Variants in PIEZO2 observed in about 807,000 individuals in gnomAD.
PIEZO2 encodes the protein piezo-type mechanosensitive ion channel component 2.
In PIEZO2, 172 loss-of-function variants were observed where a neutral mutation model predicts 337.3. The observed-to-expected ratio is 0.51, with a 90% CI of 0.45 to 0.58. The LOEUF (loss-of-function observed/expected upper bound fraction) is 0.58, where lower values mean the gene tolerates loss of function less well. PIEZO2 is among the 20% of genes least tolerant of loss of function. PIEZO2 has a pLI of 0.00. For missense variants in PIEZO2, 3,028 were observed against 3,391.3 expected (o/e 0.89, Z 2.66); for synonymous variants, 1,251 against 1,228.5 (o/e 1.02, Z -0.38).
In PIEZO2 at chr18:11,148,751, C is replaced by T; in HGVS notation, c.-163G>A. ...CGCGACGCTCTCCGCCCCGAGGGCA[C>T]GCTCCCGGGGCTCTTGGCCGCCCCT... On this transcript the variant is annotated 5_prime_UTR_variant, in exon 1 of 56. In the 5' UTR this introduces an upstream ATG that the reference lacks. Coordinates refer to ENST00000674853, the MANE Select transcript of PIEZO2 (RefSeq NM_001378183.1). This position sits in a 1 kb window ranked among gnomAD's most constrained non-coding sequence, Gnocchi z 5.2. 3 of 690,158 alleles carry T rather than the reference C, an allele frequency of 4.3e-6. No homozygotes were observed. Among genetic ancestry groups the T allele is most frequent in the Non-Finnish European group, 7.1e-6 (3 of 422,404 alleles). 42.8% of individuals were successfully genotyped at this position (690,158 alleles called of 1,614,324 possible).
intron 2 of PIEZO2, among the ~76,000 whole-genome samples, chr18:11,056,198 G>A (rs920786487): frequency 6.6e-6 from 1 of 152,196 alleles, no homozygotes; most frequent in Non-Finnish European, 1.5e-5. Context: ...TGTGCTGAGT[G>A]GTCATTGGGT....
At chr18:10,826,315 G>C (rs747685398) in intron 7 of PIEZO2, among the ~76,000 whole-genome samples, 5 of 152,192 alleles carry the variant, frequency 3.3e-5, no homozygotes, top group South Asian at 2.1e-4. Flanking sequence ...TTATGTTAAA[G>C]TAAATATGAG....
chr18:10,759,844 G>C lies in PIEZO2; in HGVS notation c.3516C>G (p.Ala1172=). 3 of 1,537,470 alleles carry C rather than the reference G, an allele frequency of 2.0e-6. No homozygotes were observed. In the South Asian group the frequency reaches 3.6e-5, roughly 18 times the overall value. The change falls in exon 25 of 56, where the codon GCC becomes GCG. Residue 1172 remains alanine (A), a synonymous_variant. Transcript: ENST00000674853. This position sits in a 1 kb window ranked among gnomAD's most constrained non-coding sequence, Gnocchi z 5.5. ...QRMDFYAMIH[A]CWLIAVLYRR... ...TATATAAGACAGCGATCAGCCAGCA[G>C]GCGTGGATCATGGCATAGAAATCCA...
chr18:10,705,376 G>A lies in PIEZO2; in HGVS notation c.5959C>T (p.Leu1987=). The A allele has an allele frequency of 1.3e-6, 2 of 1,537,132 alleles. No individual in the cohort carries two copies. The highest frequency in any genetic ancestry group is 1.7e-6 in the Non-Finnish European group (2 of 1,146,844). Residue 1987 remains leucine, a synonymous_variant, in exon 41 of 56, where the codon CTG becomes TTG. Coordinates refer to ENST00000674853, the MANE Select transcript of PIEZO2 (RefSeq NM_001378183.1). The part of the protein sequence containing the change: ...DKLGSSILPP[L]THELTASELL... ...TCGCTGGCCGTCAGCTCATGGGTCA[G>A]GGGAGGTAAGATGCTGGACCCCAGC...
chr18:10,670,491 T>G lies in PIEZO2; in HGVS notation c.*1036A>C, dbSNP rs534783287. 7.0e-4 allele frequency: 106 copies of G among 152,348 alleles called. No homozygotes were observed. The highest frequency in any genetic ancestry group is 2.4e-3 in the African/African-American group (100 of 41,584). The allele number at this position is 152,348 out of a possible 1,614,324, so 9.4% of individuals were successfully genotyped here. ...TTTCCCCAAGCTCAATATACATATT[T>G]CTTTCATAATTATGAACTTAAAAAA... On this transcript the variant is annotated 3_prime_UTR_variant, in exon 56 of 56. Transcript: ENST00000674853.
intron 7 of PIEZO2, among the ~76,000 whole-genome samples, chr18:10,811,990 C>T (rs4360995): frequency 0.42 from 64,521 of 152,012 alleles, 14,445 homozygotes; most frequent in East Asian, 0.74. Context: ...CCCGCCACCA[C>T]GCCCGGCTAA....
chr18:10,701,195 A>G (rs753647354), intron 43 of PIEZO2, among the ~76,000 whole-genome samples: 2 of 152,286 alleles, frequency 1.3e-5, no homozygotes, highest in Non-Finnish European at 2.9e-5. Context: ...GACGAGGGAA[A>G]GAAAGTAAGG....
In PIEZO2 at chr18:10,750,261, A is replaced by G. The variant is rs2037596794; in HGVS notation, c.4168-74T>C. On this transcript the variant is annotated intron_variant, in intron 28 of 55. Transcript: ENST00000674853. The surrounding 1 kb of genome is among the most constrained non-coding windows in gnomAD (Gnocchi z 4.1). ...AAAAGTGGTGTTTTATGATCCCAAC[A>G]TGTGCAAGAATTCACAAGGTCTCAG... The G allele has an allele frequency of 4.8e-6, 5 of 1,047,588 alleles. No homozygotes were observed. In the South Asian group the frequency reaches 5.5e-5, roughly 11 times the overall value. The allele number at this position is 1,047,588 out of a possible 1,614,324, so 64.9% of individuals were successfully genotyped here. A position where few individuals can be genotyped will look rare whatever the true frequency, so the allele number is the denominator to read the frequency against.
Position 10,867,112 on chromosome 18 carries a change from G to T in PIEZO2, c.492+4141C>A, listed in dbSNP as rs540595985. Among the ~76,000 whole-genome samples, 31 of 152,308 alleles carry T rather than the reference G, an allele frequency of 2.0e-4. No homozygotes were observed. The South Asian group carries it at 4.6e-3, about 22-fold the overall frequency. On this transcript the variant is annotated intron_variant, in intron 5 of 55. Transcript: ENST00000674853. ...AAGTTTGCAAGGCAACTGGGCAGCC[G>T]TTCAGCTTCTTACCATTCTGAATGG...
chr18:11,042,817 A>C lies in PIEZO2; in HGVS notation c.160+23310T>G, dbSNP rs529852390. Among the ~76,000 whole-genome samples the C allele has an allele frequency of 9.2e-5, 14 of 152,368 alleles. No individual in the cohort carries two copies. In the South Asian group the frequency reaches 2.9e-3, roughly 32 times the overall value. On this transcript the variant is annotated intron_variant, in intron 2 of 55. Transcript: ENST00000674853. Reference sequence around the variant, plus strand: ...CACATTAAGTAGATTGTAAAATGTCAGTATGTAACTCAAGCTAATAAAATA... The same window carrying C: ...CACATTAAGTAGATTGTAAAATGTCCGTATGTAACTCAAGCTAATAAAATA...
Position 10,680,315 on chromosome 18 carries a change from C to T in PIEZO2, c.7836G>A (p.Leu2612=). 5 of 1,614,100 alleles carry T rather than the reference C, an allele frequency of 3.1e-6. No homozygotes were observed. The highest frequency in any genetic ancestry group is 1.7e-4 in the Middle Eastern group (1 of 6,060). ...YEKEDITVAE[L]EGNSNSLWTI... ...TCCACAAAGAATTTGAGTTTCCTTCCAGTTCTGCTACTGTTATGTCTTCTT... is the reference window on the plus strand; with the variant it reads ...TCCACAAAGAATTTGAGTTTCCTTCTAGTTCTGCTACTGTTATGTCTTCTT... Residue 2612 remains leucine (L), a synonymous_variant, in exon 52 of 56, where the codon CTG becomes CTA. Coordinates refer to ENST00000674853, the MANE Select transcript of PIEZO2 (RefSeq NM_001378183.1).
intron 2 of PIEZO2, among the ~76,000 whole-genome samples, chr18:11,026,879 G>A (rs2036560497): frequency 6.6e-6 from 1 of 151,958 alleles, no homozygotes; most frequent in Admixed American, 6.6e-5. Flanking sequence ...ACAGGAAGAG[G>A]GAAAAAAGAG....
chr18:10,835,106 G>C (rs1297953524), intron 7 of PIEZO2, among the ~76,000 whole-genome samples: 4 of 152,074 alleles, frequency 2.6e-5, no homozygotes, highest in African/African-American at 9.7e-5. Flanking sequence ...CCAGGAAGAG[G>C]GCCCTTGCCA....
At chr18:10,832,596 A>G (rs1191651460) in intron 7 of PIEZO2, among the ~76,000 whole-genome samples, 1 of 152,220 alleles carries the variant, frequency 6.6e-6, no homozygotes, top group Non-Finnish European at 1.5e-5. Context: ...TGTCTACTTT[A>G]GCAAGAACAG....
chr18:10,972,272 C>T (rs979626311), intron 3 of PIEZO2, among the ~76,000 whole-genome samples: 3 of 151,648 alleles, frequency 2.0e-5, no homozygotes, highest in African/African-American at 7.3e-5. Context: ...ACTCTTCCAT[C>T]ATGTTCCTCT....
chr18:10,939,699 T>C (rs2032617086), intron 3 of PIEZO2, among the ~76,000 whole-genome samples: 1 of 152,034 alleles, frequency 6.6e-6, no homozygotes, highest in Non-Finnish European at 1.5e-5. Context: ...TTCTCACTCA[T>C]AAGTGGGAGT....
intron 2 of PIEZO2, among the ~76,000 whole-genome samples, chr18:11,049,047 C>T (rs2037421782): frequency 6.6e-6 from 1 of 152,112 alleles, no homozygotes; most frequent in Admixed American, 6.5e-5. Flanking sequence ...TTCAAAAAAA[C>T]TGAAATAAAT....
chr18:10,890,344 A>G (rs1179194793), intron 4 of PIEZO2: 2 of 152,224 alleles, frequency 1.3e-5, no homozygotes, highest in African/African-American at 4.8e-5. Flanking sequence ...GCCATGAAAT[A>G]TAGCATTTGC....
intron 49 of PIEZO2, among the ~76,000 whole-genome samples, chr18:10,687,655 G>C (rs1021600053): frequency 6.6e-6 from 1 of 152,290 alleles, no homozygotes; most frequent in East Asian, 1.9e-4. Flanking sequence ...AGAAGAATGT[G>C]GTAGAAGCAC....
Sources: gnomAD v4.1 joint callset for allele counts (sites outside exome capture counted in the v4.1 genomes callset) on GRCh38, gnomAD v4.1.1 for gene constraint, Gnocchi (gnomAD v3.1) non-coding constraint, MANE v1.5 for transcripts, NCBI Gene and HGNC (gene_info 2026-07-23, HGNC 2026-07-21) for gene names.